The following FBXW7 variants were observed in gnomAD, a reference collection of about 807,000 sequenced individuals.
The protein encoded by FBXW7 is F-box and WD repeat domain containing 7.
FBXW7 carries 11 observed loss-of-function variants against 86.3 expected under a neutral mutation model. The observed-to-expected ratio is 0.13, with a 90% confidence interval of 0.08 to 0.21. The LOEUF (loss-of-function observed/expected upper bound fraction) is 0.21. Ranked by LOEUF, FBXW7 falls within the 10% of genes least tolerant of loss-of-function variation. The pLI, the probability that FBXW7 is intolerant of heterozygous loss-of-function variation, is 1.00. For synonymous variants in FBXW7, 313 were observed against 297.9 expected (o/e 1.05, Z -0.52); for missense variants, 488 against 847.4 (o/e 0.58, Z 5.27).
intron 4 of FBXW7, among the ~76,000 whole-genome samples, chr4:152,395,352 T>A (rs1330165198): frequency 6.6e-6 from 1 of 152,024 alleles, no homozygotes; most frequent in African/African-American, 2.4e-5. Context: ...ACAACCTATA[T>A]CCTATTACTA....
At chr4:152,352,934 T>C in intron 4 of FBXW7, 2 of 1,410,298 alleles carry the variant, frequency 1.4e-6, no homozygotes, top group Non-Finnish European at 1.8e-6. Flanking sequence ...AATTATATGG[T>C]GATCCGCTCC....
chr4:152,372,465 T>C (rs1477053724), intron 4 of FBXW7, among the ~76,000 whole-genome samples: 2 of 151,996 alleles, frequency 1.3e-5, no homozygotes, highest in African/African-American at 4.8e-5. Context: ...CACATTAGTG[T>C]TTCTCCAGCA....
At chr4:152,388,326 A>G (rs1735721759) in intron 4 of FBXW7, among the ~76,000 whole-genome samples, 1 of 152,202 alleles carries the variant, frequency 6.6e-6, no homozygotes, top group Admixed American at 6.5e-5. Flanking sequence ...CAGCACATAC[A>G]ACATACACAA....
In FBXW7 at chr4:152,356,439, A is replaced by G. The variant is rs528294644; in HGVS notation, c.502-6315T>C. On this transcript the variant is annotated intron_variant, in intron 4 of 13. Transcript: ENST00000281708. ...TTTCTTTACCTTGCTAACATTTAAA[A>G]ATACACTTCCATTTTATAATAGTAG... is the stretch of plus-strand genomic sequence containing the variant. Among the ~76,000 whole-genome samples the G allele has an allele frequency of 3.0e-3, 460 of 152,292 alleles. 7 individuals carry two copies. Among genetic ancestry groups the G allele is most frequent in the Non-Finnish European group, 1.6e-3 (110 of 68,020 alleles).
At chr4:152,330,653 A>G in intron 9 of FBXW7, 79 bp downstream of exon 9, 1 of 1,290,672 alleles carries the variant, frequency 7.7e-7, no homozygotes, top group African/African-American at 1.5e-5. Context: ...GTCATATTAT[A>G]CAGTTTGCCA....
At chr4:152,383,349 G>T (rs1579055748) in intron 4 of FBXW7, among the ~76,000 whole-genome samples, 3 of 152,016 alleles carry the variant, frequency 2.0e-5, no homozygotes, top group Non-Finnish European at 4.4e-5. Context: ...ACCTTCAATG[G>T]TTCTCCACGG....
intron 2 of FBXW7, among the ~76,000 whole-genome samples, chr4:152,457,289 T>C (rs1179814108): frequency 6.6e-6 from 1 of 152,140 alleles, no homozygotes; most frequent in Non-Finnish European, 1.5e-5. Flanking sequence ...GATATATACA[T>C]TGTGGTGATG....
At chr4:152,398,813 A>G (rs576593760) in intron 4 of FBXW7, among the ~76,000 whole-genome samples, 1 of 152,230 alleles carries the variant, frequency 6.6e-6, no homozygotes, top group Admixed American at 6.5e-5. Context: ...TTTCAGGACA[A>G]GAGTCAAAGT....
chr4:152,502,553 T>A (rs1349075241), intron 2 of FBXW7, among the ~76,000 whole-genome samples: 1 of 151,906 alleles, frequency 6.6e-6, no homozygotes, highest in Non-Finnish European at 1.5e-5. Context: ...TACTTTTTAT[T>A]TTTTTTAATT....
intron 4 of FBXW7, among the ~76,000 whole-genome samples, chr4:152,387,598 CA>C (rs1283868345): frequency 2.8e-5 from 1 of 35,188 alleles, no homozygotes; most frequent in Non-Finnish European, 5.9e-5. Flanking sequence ...CTTGTATTAG[CA>C]AAAACTGTAA....
At chr4:152,519,025 G>A (rs1051141089) in intron 2 of FBXW7, among the ~76,000 whole-genome samples, 10 of 152,198 alleles carry the variant, frequency 6.6e-5, no homozygotes, top group East Asian at 1.9e-4. Context: ...GAAGCCAGGC[G>A]TGGTGGCTCA....
At chr4:152,485,346 C>T (rs528123695) in intron 2 of FBXW7, among the ~76,000 whole-genome samples, 20 of 152,130 alleles carry the variant, frequency 1.3e-4, no homozygotes, top group African/African-American at 4.6e-4. Flanking sequence ...TATACCTTCA[C>T]TGGGCTATAC....
intron 4 of FBXW7, among the ~76,000 whole-genome samples, chr4:152,368,407 A>G (rs1733695605): frequency 6.6e-6 from 1 of 151,962 alleles, no homozygotes; most frequent in South Asian, 2.1e-4. Flanking sequence ...GTGTGTGCGG[A>G]TGCATGCATG....
At chr4:152,347,198 CAATT>C (rs929136971) in intron 5 of FBXW7, 127 bp from the exon 6 acceptor site, 5 of 781,868 alleles carry the variant, frequency 6.4e-6, no homozygotes, top group Middle Eastern at 3.5e-4. Flanking sequence ...TTTCAAACAT[CAATT>C]AATTACCTTT....
chr4:152,403,619 TCAC>T (rs1737141860), intron 4 of FBXW7, among the ~76,000 whole-genome samples: 1 of 152,042 alleles, frequency 6.6e-6, no homozygotes, highest in South Asian at 2.1e-4. Flanking sequence ...CCACCTCAGC[TCAC>T]CACGCATTAG....
At chr4:152,382,440 T>C (rs1735174740) in intron 4 of FBXW7, 1 of 1,240,860 alleles carries the variant, frequency 8.1e-7, no homozygotes, top group East Asian at 3.2e-5. Context: ...ATAATAGTTT[T>C]TAAAAGGCTG....
chr4:152,435,189 T>C (rs1225082387), intron 2 of FBXW7, among the ~76,000 whole-genome samples: 1 of 151,866 alleles, frequency 6.6e-6, no homozygotes, highest in Non-Finnish European at 1.5e-5. Context: ...AATCACAATA[T>C]AAATGTTAAA....
chr4:152,463,611 A>T (rs1178732350), intron 2 of FBXW7, among the ~76,000 whole-genome samples: 1 of 152,248 alleles, frequency 6.6e-6, no homozygotes, highest in South Asian at 2.1e-4. Context: ...TGATTCAAAA[A>T]GCATTTACTT....
chr4:152,510,068 A>G (rs936378340), intron 2 of FBXW7, among the ~76,000 whole-genome samples: 1 of 152,200 alleles, frequency 6.6e-6, no homozygotes, highest in Admixed American at 6.5e-5. Flanking sequence ...AACATTCTCA[A>G]CAGTGATGAC....
Sources: gnomAD v4.1 joint callset for allele counts (sites outside exome capture counted in the v4.1 genomes callset) on GRCh38, gnomAD v4.1.1 for gene constraint, MANE v1.5 for transcripts, NCBI Gene and HGNC (gene_info 2026-07-23, HGNC 2026-07-21) for gene names.